The following UPB1 variants were observed in gnomAD, a reference collection of about 807,000 sequenced individuals.
UPB1 encodes the protein beta-ureidopropionase 1.
In UPB1, 40 loss-of-function variants were observed where a neutral mutation model predicts 49.1. The ratio of observed to expected loss-of-function variants is 0.81; its 90% CI spans 0.63 to 1.06. UPB1 has a LOEUF of 1.06. Among genes scored for constraint, UPB1 ranks in the 50% least tolerant of loss-of-function variants. The pLI, the probability that UPB1 is intolerant of heterozygous loss-of-function variation, is 0.00. For missense variants in UPB1, 499 were observed against 505.9 expected (o/e 0.99, Z 0.13); for synonymous variants, 207 against 198.2 (o/e 1.04, Z -0.38).
chr22:24,509,123 A>G (rs1186994125), intron 3 of UPB1, among the ~76,000 whole-genome samples: 1 of 152,174 alleles, frequency 6.6e-6, no homozygotes, highest in Non-Finnish European at 1.5e-5. Context: ...ACATTTACTC[A>G]CAGTGAGGCA....
At position 24,526,267 on chromosome 22, in the gene UPB1, TTCAA is replaced by T. The variant is rs1473282886; in HGVS notation, c.*477_*480del. On this transcript the variant is annotated 3_prime_UTR_variant, in exon 10 of 10. Coordinates refer to ENST00000326010, the MANE Select transcript of UPB1 (RefSeq NM_016327.3). The stretch of plus-strand genomic sequence containing the variant: ...TTAGCTAGGCCACAGTCACCAGTAA[TTCAA>T]TCAGACACTAATCTAGGTATTTCTG... 4.1e-6 allele frequency: 1 copy of T among 245,116 alleles called. No homozygotes were observed. The highest frequency in any genetic ancestry group is 8.2e-6 in the Non-Finnish European group (1 of 122,026). 15.2% of individuals were successfully genotyped at this position (245,116 alleles called of 1,614,324 possible).
At chr22:24,522,102 A>G in intron 8 of UPB1, 74 bp downstream of exon 8, 5 of 1,556,096 alleles carry the variant, frequency 3.2e-6, no homozygotes, top group Non-Finnish European at 4.4e-6. Context: ...TGCTTCCTCC[A>G]GTCAGGATCT....
At chr22:24,516,493 A>G (rs1447559971) in intron 6 of UPB1, 1 of 152,156 alleles carries the variant, frequency 6.6e-6, no homozygotes, top group Non-Finnish European at 1.5e-5. Flanking sequence ...TTTATGTGCA[A>G]ATACTTTTCT....
At chr22:24,502,404 T>C (rs776074733) in intron 3 of UPB1, 191 bp downstream of exon 3, 1 of 791,226 alleles carries the variant, frequency 1.3e-6, no homozygotes, top group Non-Finnish European at 2.3e-6. Flanking sequence ...GTCTGATTCC[T>C]TCAGTTTTCC....
intron 3 of UPB1, chr22:24,502,735 CCTTTGTTAGTGTTGCTA>C (rs1454617061): frequency 7.1e-6 from 4 of 560,286 alleles, no homozygotes; most frequent in Non-Finnish European, 1.3e-5. Flanking sequence ...TTGGAATTTA[CCTTTGTTAGTGTTGCTA>C]CTTCCTAATT....
At chr22:24,524,550 G>A (rs2044449970) in intron 9 of UPB1, among the ~76,000 whole-genome samples, 1 of 152,128 alleles carries the variant, frequency 6.6e-6, no homozygotes, top group South Asian at 2.1e-4. Flanking sequence ...CAATGGCACA[G>A]CCATAGATCA....
Position 24,515,380 on chromosome 22 carries a change from T to C in UPB1, c.791+10T>C. On this transcript the variant is annotated intron_variant, in intron 6 of 9. Transcript: ENST00000326010. ...CGATAGGAGCACTCAGGTCACTCAGTTGGTGGGGTCTGGGGGGCTTCCTGG... is the reference window on the plus strand; with the variant it reads ...CGATAGGAGCACTCAGGTCACTCAGCTGGTGGGGTCTGGGGGGCTTCCTGG... 1 of 1,614,010 alleles carries C rather than the reference T, an allele frequency of 6.2e-7. No individual in the cohort carries two copies. Among genetic ancestry groups the C allele is most frequent in the Non-Finnish European group, 8.5e-7 (1 of 1,179,908 alleles).
chr22:24,516,951 C>T (rs1327989861), intron 6 of UPB1, among the ~76,000 whole-genome samples: 1 of 152,194 alleles, frequency 6.6e-6, no homozygotes, highest in Non-Finnish European at 1.5e-5. Flanking sequence ...GTCTCGATCT[C>T]CTGACCTTGT....
At chr22:24,511,935 CTG>C (rs1273843595) in intron 4 of UPB1, among the ~76,000 whole-genome samples, 1 of 152,250 alleles carries the variant, frequency 6.6e-6, no homozygotes, top group South Asian at 2.1e-4. Flanking sequence ...CTTAATAAAA[CTG>C]TTATCAGAAA....
chr22:24,509,620 C>T (rs778748827), intron 3 of UPB1, among the ~76,000 whole-genome samples: 1 of 152,142 alleles, frequency 6.6e-6, no homozygotes, highest in East Asian at 1.9e-4. Context: ...CAGCAGCCTT[C>T]TGATACTTTC....
chr22:24,499,717 G>T (rs970840433), intron 1 of UPB1, among the ~76,000 whole-genome samples: 4 of 152,138 alleles, frequency 2.6e-5, no homozygotes, highest in African/African-American at 7.2e-5. Context: ...CACACCCTAG[G>T]CTCAGCATAG....
At chr22:24,499,751 T>A (rs1254011459) in intron 1 of UPB1, among the ~76,000 whole-genome samples, 1 of 152,196 alleles carries the variant, frequency 6.6e-6, no homozygotes, top group Non-Finnish European at 1.5e-5. Context: ...TCAGAAACAC[T>A]TTTGAGAATC....
chr22:24,500,000 C>A, intron 1 of UPB1, 107 bp from the exon 2 acceptor site: 1 of 1,563,676 alleles, frequency 6.4e-7, no homozygotes, highest in Non-Finnish European at 8.7e-7. Flanking sequence ...CTAGCCAGGA[C>A]ATCCTCACCT....
At chr22:24,496,683 A>T (rs1271875334) in intron 1 of UPB1, among the ~76,000 whole-genome samples, 1 of 152,158 alleles carries the variant, frequency 6.6e-6, no homozygotes, top group Non-Finnish European at 1.5e-5. Context: ...GGAGATGGTC[A>T]TTCCAGGTGA....
In UPB1 at chr22:24,518,473, G is replaced by A. The variant is rs571213950; in HGVS notation, c.792-1914G>A. 6 of 152,338 alleles carry A rather than the reference G, an allele frequency of 3.9e-5. No homozygotes were observed. The South Asian group carries it at 1.2e-3, about 32-fold the overall frequency. The allele number at this position is 152,338 out of a possible 1,614,324, so 9.4% of individuals were successfully genotyped here. Reference sequence around the variant, plus strand: ...CAACAGGTGGTTTATTAAGATGGTAGGATCCTGGCTTGTTTTCTTAAAATG... The same window carrying A: ...CAACAGGTGGTTTATTAAGATGGTAAGATCCTGGCTTGTTTTCTTAAAATG... On this transcript the variant is annotated intron_variant, in intron 6 of 9. Transcript: ENST00000326010.
chr22:24,523,450 C>T (rs1207607745), intron 8 of UPB1, among the ~76,000 whole-genome samples, 169 bp from the exon 9 acceptor site: 2 of 152,238 alleles, frequency 1.3e-5, no homozygotes, highest in African/African-American at 4.8e-5. Context: ...TTTGCTGGGC[C>T]TTCAGGCCTG....
chr22:24,495,376 C>T lies in UPB1; in HGVS notation c.-28C>T, dbSNP rs757149643. On this transcript the variant is annotated 5_prime_UTR_variant, in exon 1 of 10. Transcript: ENST00000326010. ...GGGCAAAGGGCAGGCAGTTCGTGCGCGGACACAAGCACTGGCGGACCGTGG... is the reference window on the plus strand; with the variant it reads ...GGGCAAAGGGCAGGCAGTTCGTGCGTGGACACAAGCACTGGCGGACCGTGG... The T allele has an allele frequency of 5.0e-6, 8 of 1,610,244 alleles. No individual in the cohort carries two copies. The highest frequency in any genetic ancestry group is 3.3e-5 in the South Asian group (3 of 91,064).
intron 4 of UPB1, 37 bp downstream of exon 4, chr22:24,510,880 A>G (rs1289622816): frequency 6.2e-7 from 1 of 1,601,252 alleles, no homozygotes; most frequent in African/African-American, 1.3e-5. Context: ...GCAGCTGCCA[A>G]ATATGTGCAA....
At chr22:24,512,474 T>C (rs1419879880) in intron 4 of UPB1, among the ~76,000 whole-genome samples, 1 of 152,242 alleles carries the variant, frequency 6.6e-6, no homozygotes, top group Non-Finnish European at 1.5e-5. Context: ...AAAAGGAATT[T>C]GATGCCAAAG....
Sources: gnomAD v4.1 joint callset for allele counts (sites outside exome capture counted in the v4.1 genomes callset) on GRCh38, gnomAD v4.1.1 for gene constraint, MANE v1.5 for transcripts, NCBI Gene and HGNC (gene_info 2026-07-23, HGNC 2026-07-21) for gene names.